The following SCML4 variants were observed in gnomAD, a reference collection of about 807,000 sequenced individuals.
The protein encoded by SCML4 is Scm polycomb group protein like 4, also known as sex comb on midleg-like protein 4.
SCML4 carries 34 observed loss-of-function variants against 41.1 expected under a neutral mutation model. That is an observed-to-expected ratio of 0.83 (90% CI 0.63 to 1.10). The LOEUF (loss-of-function observed/expected upper bound fraction) is 1.10. SCML4 is among the 50% of genes least tolerant of loss of function. The pLI, the probability that SCML4 is intolerant of heterozygous loss-of-function variation, is 0.00. For missense variants in SCML4, 522 were observed against 534.1 expected, an observed-to-expected ratio of 0.98 and a Z score of 0.22; for synonymous variants, 214 against 220.9, an observed-to-expected ratio of 0.97 and a Z score of 0.28.
rs571056960 is a variant in SCML4, at chr6:107,709,693, C to G, written c.974-1682G>C. Among the ~76,000 whole-genome samples, 9 of 152,270 alleles carry G rather than the reference C, an allele frequency of 5.9e-5. No homozygotes were observed. The South Asian group carries it at 1.7e-3, about 28-fold the overall frequency. ...GCAGCCTGCATGTCACCTTCCTACC[C>G]CTTTATTTTATTGTATTTTATTTAT... On this transcript the variant is annotated intron_variant, in intron 6 of 7. Coordinates refer to ENST00000369020, the MANE Select transcript of SCML4 (RefSeq NM_198081.5).
intron 1 of SCML4, among the ~76,000 whole-genome samples, chr6:107,801,606 C>A (rs1379743327): frequency 1.3e-5 from 2 of 152,210 alleles, no homozygotes; most frequent in South Asian, 4.1e-4. Flanking sequence ...ATGTCTTTCA[C>A]ATCCTTCTAC....
At chr6:107,706,894 C>T (rs990464308) in intron 7 of SCML4, among the ~76,000 whole-genome samples, 1 of 152,156 alleles carries the variant, frequency 6.6e-6, no homozygotes, top group African/African-American at 2.4e-5. Flanking sequence ...CAAGCGGATT[C>T]TCCCTAGAAC....
At chr6:107,835,131 C>A in the SCML4 span, among the ~76,000 whole-genome samples, 102,535 of 151,958 alleles carry the variant, frequency 0.67, 35,535 homozygotes, top group South Asian at 0.82. Context: ...GAGGCCGAGG[C>A]GGGTGGATTA....
chr6:107,784,297 G>A (rs529118612), intron 1 of SCML4, among the ~76,000 whole-genome samples: 22 of 152,322 alleles, frequency 1.4e-4, no homozygotes, highest in African/African-American at 5.1e-4. Context: ...CGTAAGTCAA[G>A]AGAAGGGACC....
intron 7 of SCML4, among the ~76,000 whole-genome samples, chr6:107,706,976 G>A (rs189662268): frequency 2.8e-4 from 43 of 152,236 alleles, no homozygotes; most frequent in African/African-American, 1.0e-3. Context: ...CCCCAGAGTG[G>A]TAAGACAGAG....
At chr6:107,767,235 C>G (rs1425943490) in intron 2 of SCML4, among the ~76,000 whole-genome samples, 1 of 152,062 alleles carries the variant, frequency 6.6e-6, no homozygotes, top group East Asian at 1.9e-4. Flanking sequence ...GGATTACAGA[C>G]TTGAGCCACC....
At chr6:107,749,881 C>G (rs745819716) in intron 2 of SCML4, 68 bp from the exon 3 acceptor site, 605 of 1,545,786 alleles carry the variant, frequency 3.9e-4, no homozygotes, top group Non-Finnish European at 5.0e-4. Flanking sequence ...CAGATTCTGT[C>G]CTAGACGGCA....
chr6:107,746,604 C>T, intron 4 of SCML4, 85 bp downstream of exon 4: 1 of 1,229,322 alleles, frequency 8.1e-7, no homozygotes, highest in Non-Finnish European at 1.2e-6. Context: ...CCTGGCCACA[C>T]CTGCTGTCTC....
At chr6:107,830,036 T>C in the SCML4 span, among the ~76,000 whole-genome samples, 2 of 152,196 alleles carry the variant, frequency 1.3e-5, no homozygotes, top group Admixed American at 1.3e-4. Flanking sequence ...CGAATATTTC[T>C]GGAGCCCATG....
At chr6:107,839,374 AAAGAAAG>A in the SCML4 span, among the ~76,000 whole-genome samples, 1 of 148,620 alleles carries the variant, frequency 6.7e-6, no homozygotes, top group South Asian at 2.1e-4. Flanking sequence ...AGAAGGAAAG[AAAGAAAG>A]AAAGAAAGAA....
intron 1 of SCML4, among the ~76,000 whole-genome samples, chr6:107,791,042 C>A (rs1782285969): frequency 6.7e-6 from 1 of 150,244 alleles, no homozygotes; most frequent in Admixed American, 6.7e-5. Flanking sequence ...TGCACTCCAG[C>A]CTGGTCAGCA....
At chr6:107,739,570 G>T (rs1368996985) in intron 5 of SCML4, among the ~76,000 whole-genome samples, 1 of 152,098 alleles carries the variant, frequency 6.6e-6, no homozygotes, top group Non-Finnish European at 1.5e-5. Context: ...ACCAGGCATT[G>T]TCCTGATGCA....
rs529846563 is a variant in SCML4 at position 107,760,086 on chromosome 6, T to A, written c.157-10273A>T. Among the ~76,000 whole-genome samples the A allele has an allele frequency of 1.8e-3, 280 of 152,320 alleles. 1 individual carries two copies. The highest frequency in any genetic ancestry group is 6.3e-3 in the African/African-American group (264 of 41,580). On this transcript the variant is annotated intron_variant, in intron 2 of 7. Transcript: ENST00000369020. The stretch of plus-strand genomic sequence containing the variant: ...GTTGTGTGTGTAACTTTCATTAGAT[T>A]ATTTTTGAACACATTAAAGAATTTG...
At chr6:107,783,970 C>T (rs1455566659) in intron 1 of SCML4, among the ~76,000 whole-genome samples, 1 of 152,200 alleles carries the variant, frequency 6.6e-6, no homozygotes, top group East Asian at 1.9e-4. Context: ...CCACCTCCTG[C>T]CCCTGCCCCT....
chr6:107,734,551 C>T (rs969695051), intron 5 of SCML4, among the ~76,000 whole-genome samples: 73 of 152,254 alleles, frequency 4.8e-4, no homozygotes, highest in African/African-American at 1.7e-3. Flanking sequence ...TTAAATTCTA[C>T]GAAATGCAGG....
intron 1 of SCML4, among the ~76,000 whole-genome samples, chr6:107,813,160 C>T (rs1379937309): frequency 1.3e-5 from 2 of 150,576 alleles, no homozygotes; most frequent in South Asian, 2.1e-4. Flanking sequence ...TTCAGGAGTT[C>T]GAGACCAGCC....
At chr6:107,829,582 G>T in the SCML4 span, among the ~76,000 whole-genome samples, 1 of 152,190 alleles carries the variant, frequency 6.6e-6, no homozygotes, top group South Asian at 2.1e-4. Flanking sequence ...ACCAGGGCCT[G>T]TCGAGGGGTG....
intron 6 of SCML4, among the ~76,000 whole-genome samples, chr6:107,716,610 C>T (rs1409993425): frequency 6.6e-6 from 1 of 151,994 alleles, no homozygotes; most frequent in Non-Finnish European, 1.5e-5. Context: ...GTTCCTTTCT[C>T]TAGGATAGAG....
At position 107,736,084 on chromosome 6, in the gene SCML4, T is replaced by C. The variant is rs922553139; in HGVS notation, c.682+8865A>G. Among the ~76,000 whole-genome samples the C allele has an allele frequency of 2.0e-5, 3 of 152,244 alleles. No individual in the cohort carries two copies. The South Asian group carries it at 6.2e-4, about 32-fold the overall frequency. On this transcript the variant is annotated intron_variant, in intron 5 of 7. Transcript: ENST00000369020. ...AGAAATGAGGAAGTTCCCTGGCAGC[T>C]GGAATGATGGGCTGTGCCTGCCCCG... is the stretch of plus-strand genomic sequence containing the variant.
Sources: gnomAD v4.1 joint callset for allele counts (sites outside exome capture counted in the v4.1 genomes callset) on GRCh38, gnomAD v4.1.1 for gene constraint, MANE v1.5 for transcripts, NCBI Gene and HGNC (gene_info 2026-07-23, HGNC 2026-07-21) for gene names.